PMM2: variants seen among roughly 807,000 people sequenced by gnomAD.
PMM2 encodes phosphomannomutase 2, also known as mannose-6-phosphate isomerase.
In PMM2, 35 loss-of-function variants were observed where a neutral mutation model predicts 33.2. The observed-to-expected ratio is 1.06, with a 90% CI of 0.81 to 1.40. The LOEUF (loss-of-function observed/expected upper bound fraction) is 1.40. Ranked by LOEUF, PMM2 falls within the 40% of genes most tolerant of loss-of-function variation. PMM2 has a pLI of 0.00. For synonymous variants in PMM2, 153 were observed against 114.7 expected, an observed-to-expected ratio of 1.33 and a Z score of -2.13; for missense variants, 386 against 306.0, an observed-to-expected ratio of 1.26 and a Z score of -1.95.
intron 7 of PMM2, 176 bp from the exon 8 acceptor site, chr16:8,847,548 C>T (rs2060935392): frequency 3.2e-6 from 2 of 621,520 alleles, no homozygotes; most frequent in Admixed American, 2.4e-5. Context: ...TAAATCTCTT[C>T]TTAATAACAA....
intron 7 of PMM2, among the ~76,000 whole-genome samples, chr16:8,827,942 T>TG (rs2060786745): frequency 3.6e-5 from 1 of 28,008 alleles, no homozygotes; most frequent in East Asian, 4.8e-3. Flanking sequence ...TATATATTTA[T>TG]AAATATATAT....
intron 1 of PMM2, among the ~76,000 whole-genome samples, chr16:8,799,611 A>C (rs1002651206): frequency 6.6e-6 from 1 of 151,666 alleles, no homozygotes. Flanking sequence ...GTAGTGGCCC[A>C]ATCTCAGTTC....
At chr16:8,808,926 T>G (rs1375830311) in intron 4 of PMM2, 1 of 152,240 alleles carries the variant, frequency 6.6e-6, no homozygotes, top group Non-Finnish European at 1.5e-5. Context: ...TTTGCCTCTT[T>G]CTCTGCAAGT....
At chr16:8,801,708 T>A (rs894650437) in intron 1 of PMM2, 91 bp from the exon 2 acceptor site, 1 of 800,306 alleles carries the variant, frequency 1.2e-6, no homozygotes, top group Non-Finnish European at 2.0e-6. Flanking sequence ...AATAAGAAAA[T>A]AAGACTTATG....
chr16:8,835,755 G>A (rs1026387023), intron 7 of PMM2, among the ~76,000 whole-genome samples: 6 of 151,942 alleles, frequency 3.9e-5, no homozygotes, highest in Admixed American at 6.6e-5. Flanking sequence ...CTTTTAAAGC[G>A]TGCCATGGGA....
intron 7 of PMM2, among the ~76,000 whole-genome samples, chr16:8,830,365 C>T (rs2060802729): frequency 6.6e-6 from 1 of 152,218 alleles, no homozygotes; most frequent in Admixed American, 6.5e-5. Context: ...TAGACTAATT[C>T]ACACAGAGCC....
intron 6 of PMM2, among the ~76,000 whole-genome samples, chr16:8,812,436 A>G (rs1298893506): frequency 1.3e-5 from 2 of 152,244 alleles, no homozygotes; most frequent in African/African-American, 4.8e-5. Flanking sequence ...GAAAACTGGA[A>G]TGGCAAAGGG....
At chr16:8,841,583 A>C (rs1476195024) in intron 7 of PMM2, among the ~76,000 whole-genome samples, 1 of 145,652 alleles carries the variant, frequency 6.9e-6, no homozygotes, top group Admixed American at 7.0e-5. Flanking sequence ...ATGGAAAGGA[A>C]ATGAGAGGTT....
intron 7 of PMM2, among the ~76,000 whole-genome samples, chr16:8,821,104 C>A (rs1400917450): frequency 6.6e-6 from 1 of 152,198 alleles, no homozygotes; most frequent in African/African-American, 2.4e-5. Context: ...CTACTTATTG[C>A]TGGGACCACA....
At chr16:8,844,615 T>C (rs769398308) in intron 7 of PMM2, among the ~76,000 whole-genome samples, 7 of 152,234 alleles carry the variant, frequency 4.6e-5, no homozygotes, top group African/African-American at 7.2e-5. Flanking sequence ...CAGGTGTCCC[T>C]GCGTGGTCTG....
rs1379401682 is a variant in PMM2 at position 8,848,808 on chromosome 16, A to C, written c.*983A>C. 5.3e-5 allele frequency: 8 copies of C among 152,208 alleles called. No individual in the cohort carries two copies. The highest frequency in any genetic ancestry group is 5.2e-4 in the Admixed American group (8 of 15,290). 9.4% of individuals were successfully genotyped at this position (152,208 alleles called of 1,614,324 possible). On this transcript the variant is annotated 3_prime_UTR_variant, in exon 8 of 8. Transcript: ENST00000268261. ...CCTATCTGCACTCACCCAGGCCTTC[A>C]CCCAGACTTTACCACGGAGGCGGCT...
intron 1 of PMM2, among the ~76,000 whole-genome samples, chr16:8,799,544 G>T (rs1391032524): frequency 7.0e-6 from 1 of 142,936 alleles, no homozygotes; most frequent in Non-Finnish European, 1.5e-5. Context: ...GATTTTCACA[G>T]TTCTGACTCT....
intron 7 of PMM2, among the ~76,000 whole-genome samples, chr16:8,845,645 C>A (rs1031856232): frequency 6.6e-6 from 1 of 151,750 alleles, no homozygotes; most frequent in Non-Finnish European, 1.5e-5. Context: ...GTGGTCTGTT[C>A]TTGGCTCACT....
At position 8,827,803 on chromosome 16, in the gene PMM2, T is replaced by TA. The variant is rs2060781527; in HGVS notation, c.639+14697_639+14698insA. Among the ~76,000 whole-genome samples the TA allele has an allele frequency of 1.4e-4, 8 of 56,046 alleles. No individual in the cohort carries two copies. The South Asian group carries it at 4.3e-3, about 30-fold the overall frequency. 36.8% of individuals were successfully genotyped at this position (56,046 alleles called of 152,430 possible). ...ATATATTTATATATATTTATACATATTTATATATTTATATAATATATATTA... is the reference window on the plus strand; with the variant it reads ...ATATATTTATATATATTTATACATATATTATATATTTATATAATATATATTA... On this transcript the variant is annotated intron_variant, in intron 7 of 7. Transcript: ENST00000268261.
intron 7 of PMM2, chr16:8,832,391 C>T (rs751393006): frequency 4.1e-6 from 4 of 985,390 alleles, no homozygotes; most frequent in Non-Finnish European, 4.8e-6. Context: ...CCAGACCTAG[C>T]TTTATTAAGT....
At chr16:8,847,662 A>G in intron 7 of PMM2, 62 bp from the exon 8 acceptor site, 1 of 1,235,946 alleles carries the variant, frequency 8.1e-7, no homozygotes, top group Non-Finnish European at 1.2e-6. Flanking sequence ...CTCCAGGGTC[A>G]CATCAGCAAT....
At chr16:8,827,191 C>G (rs2060773809) in intron 7 of PMM2, among the ~76,000 whole-genome samples, 1 of 152,060 alleles carries the variant, frequency 6.6e-6, no homozygotes, top group Non-Finnish European at 1.5e-5. Context: ...GTGGAGCCTT[C>G]TCTCTTTTTC....
At chr16:8,839,566 CTGA>C (rs1318306303) in intron 7 of PMM2, among the ~76,000 whole-genome samples, 3 of 151,986 alleles carry the variant, frequency 2.0e-5, no homozygotes, top group Admixed American at 6.6e-5. Context: ...GAGGAAGAGT[CTGA>C]TGAGCAAGGG....
intron 7 of PMM2, among the ~76,000 whole-genome samples, chr16:8,831,779 C>G (rs565921166): frequency 2.6e-5 from 4 of 152,228 alleles, no homozygotes; most frequent in Non-Finnish European, 5.9e-5. Context: ...ATGGCCAACA[C>G]TATGCCTTCT....
Sources: allele counts gnomAD v4.1 joint callset (sites outside exome capture counted in the v4.1 genomes callset), GRCh38; gene constraint gnomAD v4.1.1; transcripts MANE v1.5; gene names NCBI Gene and HGNC (gene_info 2026-07-23, HGNC 2026-07-21).